The following CPB2 variants were observed in gnomAD, a reference collection of about 807,000 sequenced individuals.
CPB2 encodes the protein carboxypeptidase B2, also known as carboxypeptidase B-like protein.
In CPB2, 54 loss-of-function variants were observed where a neutral mutation model predicts 57.0. The observed-to-expected ratio is 0.95, with a 90% CI of 0.76 to 1.19. The LOEUF (loss-of-function observed/expected upper bound fraction) is 1.19. CPB2 is among the 50% of genes most tolerant of loss of function. The probability of loss-of-function intolerance (pLI) is 0.00; values close to 1 mark genes in which losing one functional copy is unlikely to be tolerated. For missense variants in CPB2, 426 were observed against 512.0 expected, an observed-to-expected ratio of 0.83 and a Z score of 1.62; for synonymous variants, 189 against 178.1, an observed-to-expected ratio of 1.06 and a Z score of -0.49.
intron 1 of CPB2, among the ~76,000 whole-genome samples, chr13:46,097,909 T>C (rs972709099): frequency 3.3e-5 from 5 of 152,196 alleles, no homozygotes; most frequent in Non-Finnish European, 1.5e-5. Context: ...AAGAGTTCCT[T>C]TAAACTGAAA....
At position 46,102,251 on chromosome 13, in the gene CPB2, G is replaced by T. The variant is rs537532811; in HGVS notation, c.74+2685C>A. On this transcript the variant is annotated intron_variant, in intron 1 of 10. Coordinates refer to ENST00000181383, the MANE Select transcript of CPB2 (RefSeq NM_001872.5). ...TACTTCCTCTTTCCAAATAGTCTGG[G>T]CTGGCAGGCTGCATTTAGGTAATCA... Among the ~76,000 whole-genome samples the T allele has an allele frequency of 1.2e-4, 19 of 152,200 alleles. No homozygotes were observed. In the South Asian group the frequency reaches 3.5e-3, roughly 28 times the overall value.
chr13:46,054,736 G>A (rs2044672473), intron 10 of CPB2, among the ~76,000 whole-genome samples: 1 of 151,838 alleles, frequency 6.6e-6, no homozygotes, highest in Non-Finnish European at 1.5e-5. Context: ...ACATATTTTA[G>A]TGTTCATGAT....
intron 8 of CPB2, among the ~76,000 whole-genome samples, chr13:46,063,189 A>T (rs1245974812): frequency 1.3e-5 from 2 of 152,244 alleles, no homozygotes; most frequent in African/African-American, 4.8e-5. Context: ...CTTCGGGTTC[A>T]GGGGGTACAT....
chr13:46,094,831 A>G (rs565819538), intron 1 of CPB2: 3 of 152,332 alleles, frequency 2.0e-5, no homozygotes, highest in East Asian at 3.9e-4. Context: ...ATCAAAAGTC[A>G]TAATCCATTG....
intron 5 of CPB2, among the ~76,000 whole-genome samples, chr13:46,074,576 A>G (rs1566405601): frequency 6.6e-6 from 1 of 152,186 alleles, no homozygotes. Flanking sequence ...AGAATCATCA[A>G]CCTTTTCTCA....
Position 46,084,354 on chromosome 13 carries a change from A to C in CPB2, c.151-11T>G, listed in dbSNP as rs986918300. ...CTGCCAGAGAACAATCTACAGTTTA[A>C]GGGGCAAAATTGATAAAATTAAAAA... On this transcript the variant is annotated splice_polypyrimidine_tract_variant and intron_variant, in intron 2 of 10. Transcript: ENST00000181383. 17 of 1,613,796 alleles carry C rather than the reference A, an allele frequency of 1.1e-5. No homozygotes were observed. Among genetic ancestry groups the C allele is most frequent in the Admixed American group, 5.0e-5 (3 of 59,978 alleles).
Position 46,053,901 on chromosome 13 carries a change from A to G in CPB2, c.1088-103T>C, listed in dbSNP as rs545765740. 295 of 1,174,380 alleles carry G rather than the reference A, an allele frequency of 2.5e-4. 2 individuals carry two copies. The South Asian group carries it at 3.6e-3, about 14-fold the overall frequency. The allele number at this position is 1,174,380 out of a possible 1,614,324, so 72.7% of individuals were successfully genotyped here. The stretch of plus-strand genomic sequence containing the variant: ...TGTTTATTTGTTTGTATACCTTTAG[A>G]TTTTTTTCAGTTTTTAACTAATATA... On this transcript the variant is annotated intron_variant, in intron 10 of 10. Transcript: ENST00000181383.
chr13:46,102,897 AT>A (rs2045454038), intron 1 of CPB2, among the ~76,000 whole-genome samples: 1 of 152,130 alleles, frequency 6.6e-6, no homozygotes, highest in African/African-American at 2.4e-5. Flanking sequence ...AGTATTAAAT[AT>A]TTTTAATGTG....
chr13:46,103,960 C>T lies in CPB2; in HGVS notation c.74+976G>A, dbSNP rs551482048. On this transcript the variant is annotated intron_variant, in intron 1 of 10. Coordinates refer to ENST00000181383, the MANE Select transcript of CPB2 (RefSeq NM_001872.5). Reference sequence around the variant, plus strand: ...TCATTTTATGATAGAATTTGTTGCTCGACATTCGACAATCATGTTGAACAA... The same window carrying T: ...TCATTTTATGATAGAATTTGTTGCTTGACATTCGACAATCATGTTGAACAA... 1.5e-4 allele frequency among the ~76,000 whole-genome samples: 23 copies of T among 152,284 alleles called. No homozygotes were observed. In the South Asian group the frequency reaches 2.5e-3, roughly 16 times the overall value.
chr13:46,086,801 T>C (rs2045213473), intron 2 of CPB2, among the ~76,000 whole-genome samples: 1 of 152,176 alleles, frequency 6.6e-6, no homozygotes, highest in Non-Finnish European at 1.5e-5. Context: ...CCCCCTTGGC[T>C]TCCCTCCTGT....
chr13:46,068,020 A>AT (rs1593890572), intron 6 of CPB2, among the ~76,000 whole-genome samples: 2 of 152,214 alleles, frequency 1.3e-5, no homozygotes, highest in East Asian at 3.9e-4. Context: ...CACATATTGC[A>AT]GTGTGATCCA....
chr13:46,090,677 T>TA (rs1326616348), intron 1 of CPB2, among the ~76,000 whole-genome samples: 9 of 150,162 alleles, frequency 6.0e-5, no homozygotes, highest in African/African-American at 2.2e-4. Context: ...ATCTATTCTT[T>TA]AATGCCTTTC....
At chr13:46,076,368 T>A (rs1593898314) in intron 5 of CPB2, among the ~76,000 whole-genome samples, 8 of 142,308 alleles carry the variant, frequency 5.6e-5, no homozygotes, top group Non-Finnish European at 6.2e-5. Flanking sequence ...AAAAGAAAAA[T>A]CAAGAAAGAA....
chr13:46,055,980 G>A (rs573265873), intron 9 of CPB2, 131 bp from the exon 10 acceptor site: 2 of 458,822 alleles, frequency 4.4e-6, no homozygotes, highest in Admixed American at 3.9e-5. Context: ...TCATCTAAAA[G>A]GCAAATAAAT....
At chr13:46,076,362 G>GA (rs1452288714) in intron 5 of CPB2, among the ~76,000 whole-genome samples, 6 of 143,920 alleles carry the variant, frequency 4.2e-5, no homozygotes, top group African/African-American at 1.5e-4. Flanking sequence ...CAACCTAAAA[G>GA]AAAAATCAAG....
At chr13:46,090,274 A>C (rs1405916969) in intron 1 of CPB2, among the ~76,000 whole-genome samples, 1 of 152,074 alleles carries the variant, frequency 6.6e-6, no homozygotes, top group East Asian at 1.9e-4. Flanking sequence ...TATTGGATCA[A>C]TAGATTAATA....
intron 9 of CPB2, among the ~76,000 whole-genome samples, chr13:46,056,649 A>T (rs2044701542): frequency 6.6e-6 from 1 of 152,138 alleles, no homozygotes; most frequent in Admixed American, 6.5e-5. Flanking sequence ...TCAGAAGCCA[A>T]CCTAATCTAC....
At chr13:46,070,812 A>T (rs557221412) in intron 6 of CPB2, among the ~76,000 whole-genome samples, 93 of 152,346 alleles carry the variant, frequency 6.1e-4, no homozygotes, top group Admixed American at 1.6e-3. Flanking sequence ...TAAAGTATTT[A>T]TCCCAACAGT....
At chr13:46,064,987 T>C (rs1156442039) in intron 7 of CPB2, among the ~76,000 whole-genome samples, 1 of 152,238 alleles carries the variant, frequency 6.6e-6, no homozygotes, top group African/African-American at 2.4e-5. Context: ...ATTTGATCAA[T>C]TTTGACTGAT....
Sources: allele counts gnomAD v4.1 joint callset (sites outside exome capture counted in the v4.1 genomes callset), GRCh38; gene constraint gnomAD v4.1.1; transcripts MANE v1.5; gene names NCBI Gene and HGNC (gene_info 2026-07-23, HGNC 2026-07-21).